Variants in BRIP1 observed in about 807,000 individuals in gnomAD.
The protein encoded by BRIP1 is BRCA1 interacting DNA helicase 1, also known as Fanconi anemia group J protein.
A neutral mutation model predicts 119.7 loss-of-function variants in BRIP1; 88 were observed. That is an observed-to-expected ratio of 0.74 (90% CI 0.62 to 0.88). BRIP1 has a LOEUF of 0.88. Ranked by LOEUF, BRIP1 falls within the 40% of genes least tolerant of loss-of-function variation. The pLI is 0.00. For synonymous variants in BRIP1, 443 were observed against 496.5 expected (o/e 0.89, Z 1.43); for missense variants, 1,259 against 1,455.4 (o/e 0.87, Z 2.20).
Position 61,761,673 on chromosome 17 carries a change from AAGAG to A in BRIP1, c.2097+14724_2097+14727del, listed in dbSNP as rs1182031068. ...AACTCCTTTTACAATAGCTACCAAAAAGAGAGAGAAAGAAAGAAAGAAATTTAAC... is the reference window on the plus strand; with the variant it reads ...AACTCCTTTTACAATAGCTACCAAAAAGAGAAAGAAAGAAAGAAATTTAAC... On this transcript the variant is annotated intron_variant, in intron 14 of 19. Transcript: ENST00000259008. The surrounding 1 kb of genome is among the most constrained non-coding windows in gnomAD (Gnocchi z 6.4). Among the ~76,000 whole-genome samples the A allele has an allele frequency of 1.3e-5, 2 of 151,934 alleles. No homozygotes were observed. Among genetic ancestry groups the A allele is most frequent in the East Asian group, 1.9e-4 (1 of 5,192 alleles).
chr17:61,691,689 C>T lies in BRIP1; in HGVS notation c.2575+1741G>A, dbSNP rs968757745. Among the ~76,000 whole-genome samples the T allele has an allele frequency of 2.0e-5, 3 of 152,172 alleles. No homozygotes were observed. Among genetic ancestry groups the T allele is most frequent in the African/African-American group, 7.2e-5 (3 of 41,452 alleles). ...CAGGCTGGTCTCAAACTCCTGACCT[C>T]GTGATCCACCTGCCTTGGCCTCCCA... is the stretch of plus-strand genomic sequence containing the variant. On this transcript the variant is annotated intron_variant, in intron 18 of 19. Transcript: ENST00000259008. This position sits in a 1 kb window ranked among gnomAD's most constrained non-coding sequence, Gnocchi z 5.0.
At chr17:61,777,555 C>G (rs1424086261) in intron 13 of BRIP1, among the ~76,000 whole-genome samples, 3 of 152,194 alleles carry the variant, frequency 2.0e-5, no homozygotes, top group Non-Finnish European at 1.5e-5. Context: ...GGGCATCCCA[C>G]AACCCTCTGC....
intron 6 of BRIP1, among the ~76,000 whole-genome samples, chr17:61,821,852 A>G (rs1036642352): frequency 4.6e-5 from 7 of 152,158 alleles, no homozygotes; most frequent in African/African-American, 9.7e-5. Context: ...CAGCCTCCCA[A>G]GTAGCTGGGG....
At position 61,756,289 on chromosome 17, in the gene BRIP1, G is replaced by C. The variant is rs1175462725; in HGVS notation, c.2098-11698C>G. Among the ~76,000 whole-genome samples, 1 of 152,050 alleles carries C rather than the reference G, an allele frequency of 6.6e-6. No homozygotes were observed. The highest frequency in any genetic ancestry group is 1.9e-4 in the East Asian group (1 of 5,200). The stretch of plus-strand genomic sequence containing the variant: ...TAACTCAATTGTTAAATTCTCTTAG[G>C]TATCCTAACTAGGCACCTAAAAACT... On this transcript the variant is annotated intron_variant, in intron 14 of 19. Transcript: ENST00000259008. This position sits in a 1 kb window ranked among gnomAD's most constrained non-coding sequence, Gnocchi z 4.3.
chr17:61,813,255 G>GT (rs2078190054), intron 6 of BRIP1, among the ~76,000 whole-genome samples: 1 of 149,722 alleles, frequency 6.7e-6, no homozygotes, highest in Non-Finnish European at 1.5e-5. Context: ...CAATGAAACA[G>GT]TAAAAAAAAA....
At position 61,774,600 on chromosome 17, in the gene BRIP1, T is replaced by C. The variant is rs536662140; in HGVS notation, c.2097+1801A>G. 1.3e-5 allele frequency among the ~76,000 whole-genome samples: 2 copies of C among 152,046 alleles called. No individual in the cohort carries two copies. Among genetic ancestry groups the C allele is most frequent in the East Asian group, 1.9e-4 (1 of 5,172 alleles). On this transcript the variant is annotated intron_variant, in intron 14 of 19. Coordinates refer to ENST00000259008, the MANE Select transcript of BRIP1 (RefSeq NM_032043.3). The surrounding 1 kb of genome is among the most constrained non-coding windows in gnomAD (Gnocchi z 5.8). ...AAAGTATAATAATAAAAAAAGAAAC[T>C]ATGAGATAATAAATGTTTACTGTTT...
Position 61,804,683 on chromosome 17 carries a change from A to G in BRIP1, c.919-3209T>C, listed in dbSNP as rs929558258. ...ACAGGCATGAGCATCATGCCCGGCC[A>G]ATGTATTTTTTACAAATACATAATA... is the stretch of plus-strand genomic sequence containing the variant. On this transcript the variant is annotated intron_variant, in intron 7 of 19. Coordinates refer to ENST00000259008, the MANE Select transcript of BRIP1 (RefSeq NM_032043.3). This position sits in a 1 kb window ranked among gnomAD's most constrained non-coding sequence, Gnocchi z 4.5. Among the ~76,000 whole-genome samples, 1 of 151,996 alleles carries G rather than the reference A, an allele frequency of 6.6e-6. No individual in the cohort carries two copies. The highest frequency in any genetic ancestry group is 2.4e-5 in the African/African-American group (1 of 41,394).
rs537064121 is a variant in BRIP1 at position 61,717,988 on chromosome 17, A to T, written c.2380-1925T>A. Reference sequence around the variant, plus strand: ...GAGATTTCACATAGGTATTTAAAAAATAGCTTCTGTTTCTCTTTTCAGTAT... The same window carrying T: ...GAGATTTCACATAGGTATTTAAAAATTAGCTTCTGTTTCTCTTTTCAGTAT... On this transcript the variant is annotated intron_variant, in intron 16 of 19. Coordinates refer to ENST00000259008, the MANE Select transcript of BRIP1 (RefSeq NM_032043.3). The surrounding 1 kb of genome is among the most constrained non-coding windows in gnomAD (Gnocchi z 4.1). Among the ~76,000 whole-genome samples, 4 of 152,306 alleles carry T rather than the reference A, an allele frequency of 2.6e-5. No individual in the cohort carries two copies. The highest frequency in any genetic ancestry group is 4.8e-5 in the African/African-American group (2 of 41,572).
At chr17:61,836,530 TAC>T (rs1270919351) in intron 6 of BRIP1, among the ~76,000 whole-genome samples, 2 of 152,210 alleles carry the variant, frequency 1.3e-5, no homozygotes, top group Non-Finnish European at 2.9e-5. Flanking sequence ...TGGTGAATCA[TAC>T]ATCTACTTAA....
At chr17:61,688,353 C>T (rs372208987) in intron 18 of BRIP1, among the ~76,000 whole-genome samples, 1 of 152,044 alleles carries the variant, frequency 6.6e-6, no homozygotes. Context: ...TAGTGGTGTA[C>T]ACCTGTGGTC....
rs1447939106 is a variant in BRIP1, at chr17:61,769,659, A to T, written c.2097+6742T>A. 1.3e-5 allele frequency among the ~76,000 whole-genome samples: 2 copies of T among 152,222 alleles called. No individual in the cohort carries two copies. Among genetic ancestry groups the T allele is most frequent in the East Asian group, 3.8e-4 (2 of 5,198 alleles). Reference sequence around the variant, plus strand: ...GAAGTCATCACACCTGTTTTACAACAGAAAAAAGTTAAACAAACTAAAAAT... The same window carrying T: ...GAAGTCATCACACCTGTTTTACAACTGAAAAAAGTTAAACAAACTAAAAAT... On this transcript the variant is annotated intron_variant, in intron 14 of 19. Coordinates refer to ENST00000259008, the MANE Select transcript of BRIP1 (RefSeq NM_032043.3). This position sits in a 1 kb window ranked among gnomAD's most constrained non-coding sequence, Gnocchi z 4.9.
rs2078345415 is a variant in BRIP1, at chr17:61,822,745, G to A, written c.628-13988C>T. Among the ~76,000 whole-genome samples the A allele has an allele frequency of 6.6e-6, 1 of 151,798 alleles. No individual in the cohort carries two copies. Among genetic ancestry groups the A allele is most frequent in the Non-Finnish European group, 1.5e-5 (1 of 68,006 alleles). ...GTGATGTGTAAATGTGTAGTGGGAT[G>A]TGAATGGGGAAAAGTTTGTGTTTAA... On this transcript the variant is annotated intron_variant, in intron 6 of 19. Transcript: ENST00000259008. The surrounding 1 kb of genome is among the most constrained non-coding windows in gnomAD (Gnocchi z 4.4).
rs941097867 is a variant in BRIP1, at chr17:61,778,178, A to T, written c.1936-1616T>A. Among the ~76,000 whole-genome samples, 3 of 152,222 alleles carry T rather than the reference A, an allele frequency of 2.0e-5. No individual in the cohort carries two copies. Among genetic ancestry groups the T allele is most frequent in the African/African-American group, 7.2e-5 (3 of 41,464 alleles). On this transcript the variant is annotated intron_variant, in intron 13 of 19. Coordinates refer to ENST00000259008, the MANE Select transcript of BRIP1 (RefSeq NM_032043.3). This position sits in a 1 kb window ranked among gnomAD's most constrained non-coding sequence, Gnocchi z 4.4. ...ATAGATGATGAACTTTGAAGACATTATCTGCAACATGGACAAACCTTGAGG... is the reference window on the plus strand; with the variant it reads ...ATAGATGATGAACTTTGAAGACATTTTCTGCAACATGGACAAACCTTGAGG...
At chr17:61,784,121 T>A in intron 11 of BRIP1, 149 bp downstream of exon 11, 2 of 689,000 alleles carry the variant, frequency 2.9e-6, no homozygotes, top group East Asian at 2.9e-5. Flanking sequence ...TAAGTCTGTG[T>A]CAATAAGAGC....
In BRIP1 at chr17:61,806,251, A is replaced by T. The variant is rs1453054693; in HGVS notation, c.918+2216T>A. The stretch of plus-strand genomic sequence containing the variant: ...TCAAACTGTCAGTTATCTATTTATC[A>T]TTTCGCTTTGGTAATTCAGTCAAAG... On this transcript the variant is annotated intron_variant, in intron 7 of 19. Coordinates refer to ENST00000259008, the MANE Select transcript of BRIP1 (RefSeq NM_032043.3). This position sits in a 1 kb window ranked among gnomAD's most constrained non-coding sequence, Gnocchi z 4.9. Among the ~76,000 whole-genome samples the T allele has an allele frequency of 2.0e-5, 3 of 152,168 alleles. No individual in the cohort carries two copies. The East Asian group carries it at 5.8e-4, about 29-fold the overall frequency.
chr17:61,706,524 G>GA lies in BRIP1; in HGVS notation c.2492+9426dup, dbSNP rs2061692328. Among the ~76,000 whole-genome samples, 1 of 151,996 alleles carries GA rather than the reference G, an allele frequency of 6.6e-6. No homozygotes were observed. The highest frequency in any genetic ancestry group is 1.5e-5 in the Non-Finnish European group (1 of 67,980). The stretch of plus-strand genomic sequence containing the variant: ...TCCTGTTTACAATTCCCATTCCTCA[G>GA]AAACAATTACTTTCAATATTTTAGG... On this transcript the variant is annotated intron_variant, in intron 17 of 19. Transcript: ENST00000259008. This position sits in a 1 kb window ranked among gnomAD's most constrained non-coding sequence, Gnocchi z 5.7.
Position 61,824,045 on chromosome 17 carries a change from C to A in BRIP1, c.628-15288G>T, listed in dbSNP as rs532452907. 6.6e-6 allele frequency among the ~76,000 whole-genome samples: 1 copy of A among 152,132 alleles called. No individual in the cohort carries two copies. The highest frequency in any genetic ancestry group is 1.9e-4 in the East Asian group (1 of 5,192). On this transcript the variant is annotated intron_variant, in intron 6 of 19. Transcript: ENST00000259008. This position sits in a 1 kb window ranked among gnomAD's most constrained non-coding sequence, Gnocchi z 4.3. ...AGCCAGGCTGGTCTCAAACTCCTGA[C>A]CTCAGGTGATCCACCCGCCTCAGCC... is the stretch of plus-strand genomic sequence containing the variant.
rs190885566 is a variant in BRIP1 at position 61,753,748 on chromosome 17, T to G, written c.2098-9157A>C. Among the ~76,000 whole-genome samples the G allele has an allele frequency of 1.4e-4, 21 of 151,976 alleles. No homozygotes were observed. Among genetic ancestry groups the G allele is most frequent in the East Asian group, 9.7e-4 (5 of 5,142 alleles). On this transcript the variant is annotated intron_variant, in intron 14 of 19. Transcript: ENST00000259008. This position sits in a 1 kb window ranked among gnomAD's most constrained non-coding sequence, Gnocchi z 4.6. ...TCTCAAGTAGCTGGGACTACAGGTA[T>G]GCACTGCCATGTCTGGCTTGAAAAG... is the stretch of plus-strand genomic sequence containing the variant.
At chr17:61,747,365 G>T (rs939770416) in intron 14 of BRIP1, among the ~76,000 whole-genome samples, 1 of 151,680 alleles carries the variant, frequency 6.6e-6, no homozygotes, top group Admixed American at 6.6e-5. Context: ...AATTTAAAAA[G>T]TTGGTTTTTG....
Sources: allele counts gnomAD v4.1 joint callset (sites outside exome capture counted in the v4.1 genomes callset), GRCh38; gene constraint gnomAD v4.1.1; non-coding constraint Gnocchi (gnomAD v3.1); transcripts MANE v1.5; gene names NCBI Gene and HGNC (gene_info 2026-07-23, HGNC 2026-07-21).